Variants in CCNA1 observed in about 807,000 individuals in gnomAD.
CCNA1 encodes the protein cyclin A1, also known as cyclin-A1.
A neutral mutation model predicts 54.1 loss-of-function variants in CCNA1; 23 were observed. That is an observed-to-expected ratio of 0.42 (90% CI 0.31 to 0.60). The LOEUF is 0.60. CCNA1 is among the 20% of genes least tolerant of loss of function. CCNA1 has a pLI of 0.14. For missense variants in CCNA1, 450 were observed against 556.7 expected, an observed-to-expected ratio of 0.81 and a Z score of 1.93; for synonymous variants, 208 against 213.9, an observed-to-expected ratio of 0.97 and a Z score of 0.24.
At chr13:36,439,823 G>A (rs1435406064) in intron 5 of CCNA1, among the ~76,000 whole-genome samples, 156 bp from the exon 6 acceptor site, 1 of 152,126 alleles carries the variant, frequency 6.6e-6, no homozygotes, top group Non-Finnish European at 1.5e-5. Flanking sequence ...CAAGCTCCTA[G>A]TACTTTCATA....
At position 36,435,525 on chromosome 13, in the gene CCNA1, A is replaced by G. The variant is rs7323688; in HGVS notation, c.298-2104A>G. 4.3e-3 allele frequency among the ~76,000 whole-genome samples: 651 copies of G among 152,262 alleles called. 7 individuals carry two copies. The highest frequency in any genetic ancestry group is 0.015 in the African/African-American group (616 of 41,550). ...TCCTTGAAATAATTTCTTCTCATTC[A>G]GCTTGTAGAACACCACTCTCTCCAA... On this transcript the variant is annotated intron_variant, in intron 2 of 8. Coordinates refer to ENST00000255465, the MANE Select transcript of CCNA1 (RefSeq NM_003914.4).
At chr13:36,441,692 G>A (rs1420166464) in intron 7 of CCNA1, among the ~76,000 whole-genome samples, 1 of 152,168 alleles carries the variant, frequency 6.6e-6, no homozygotes, top group East Asian at 1.9e-4. Flanking sequence ...CCCTAGGTTT[G>A]GTTCTGAAGG....
rs1420328417 is a variant in CCNA1 at position 36,433,090 on chromosome 13, C to T, written c.166C>T (p.Leu56=). 2 of 1,614,082 alleles carry T rather than the reference C, an allele frequency of 1.2e-6. No homozygotes were observed. The highest frequency in any genetic ancestry group is 1.1e-5 in the South Asian group (1 of 91,090). ...CAGCAACCCCAAGAGTGGAGTTGTG[C>T]TGGCTACAGTGGCCCGAGGTCCCGA... Residue 56 remains leucine, a synonymous_variant, in exon 2 of 9, where the codon CTG becomes TTG. Coordinates refer to ENST00000255465, the MANE Select transcript of CCNA1 (RefSeq NM_003914.4).
chr13:36,433,823 C>T (rs1380241795), intron 2 of CCNA1, among the ~76,000 whole-genome samples: 1 of 152,110 alleles, frequency 6.6e-6, no homozygotes, highest in Admixed American at 6.5e-5. Context: ...TTACAGGCGT[C>T]AGCCACGGTG....
chr13:36,439,831 A>G lies in CCNA1; in HGVS notation c.894-148A>G. 3 of 608,102 alleles carry G rather than the reference A, an allele frequency of 4.9e-6. No individual in the cohort carries two copies. The South Asian group carries it at 6.0e-5, about 12-fold the overall frequency. 37.7% of individuals were successfully genotyped at this position (608,102 alleles called of 1,614,324 possible). On this transcript the variant is annotated intron_variant, in intron 5 of 8. Coordinates refer to ENST00000255465, the MANE Select transcript of CCNA1 (RefSeq NM_003914.4). ...CCAGAAACAAGCTCCTAGTACTTTC[A>G]TAGCCCTGAGTCATTTAGTGGTATT...
Position 36,441,166 on chromosome 13 carries a change from C to T in CCNA1, c.1147C>T (p.Leu383Phe), listed in dbSNP as rs1364115441. 1.2e-6 allele frequency: 2 copies of T among 1,613,166 alleles called. No homozygotes were observed. Among genetic ancestry groups the T allele is most frequent in the Non-Finnish European group, 1.7e-6 (2 of 1,179,280 alleles). Residue 383 changes from leucine (L) to phenylalanine (F), a missense_variant, in exon 7 of 9, where the codon CTT (leucine) becomes TTT (phenylalanine). Transcript: ENST00000255465. ...TGAAGCAGATCCATTCTTGAAATAT[C>T]TTCCTTCACTGATAGCTGCAGCAGC...
In CCNA1 at chr13:36,442,259, C is replaced by G. The variant is rs1747575684; in HGVS notation, c.1301C>G (p.Pro434Arg). 6.2e-7 allele frequency: 1 copy of G among 1,613,668 alleles called. No homozygotes were observed. Among genetic ancestry groups the G allele is most frequent in the Non-Finnish European group, 8.5e-7 (1 of 1,179,822 alleles). The change falls in exon 8 of 9, where the codon CCC (proline) becomes CGC (arginine). Residue 434 changes from proline (P) to arginine (R), a missense_variant. Pro to Arg is a moderately radical substitution (Grantham distance 103). This residue lies in a region of CCNA1 where 53 missense variants were observed against 50.1 expected (regional missense o/e 1.06). Transcript: ENST00000255465. ...CTTCATAAAGCGTACCTTGATATAC[C>G]CCATCGACCTCAGCAAGCAATTAGG...
At position 36,442,165 on chromosome 13, in the gene CCNA1, G is replaced by C. The variant is rs781342675; in HGVS notation, c.1213-6G>C. The C allele has an allele frequency of 1.6e-5, 26 of 1,605,508 alleles. No individual in the cohort carries two copies. The East Asian group carries it at 5.4e-4, about 33-fold the overall frequency. ...TGAAGCAATTTTTTTCTTTTGTCTTGATTAGCCAGAAACCCTTGCTGCATT... is the reference window on the plus strand; with the variant it reads ...TGAAGCAATTTTTTTCTTTTGTCTTCATTAGCCAGAAACCCTTGCTGCATT... On this transcript the variant is annotated splice_region_variant and splice_polypyrimidine_tract_variant and intron_variant, in intron 7 of 8. Transcript: ENST00000255465.
rs187139171 is a variant in CCNA1, at chr13:36,442,373, A to G, written c.1346+69A>G. Reference sequence around the variant, plus strand: ...TTAATGGGTTATAGTAATGGTTACTAGATTAAAAATAGATTAAATTGTGTA... The same window carrying G: ...TTAATGGGTTATAGTAATGGTTACTGGATTAAAAATAGATTAAATTGTGTA... On this transcript the variant is annotated intron_variant, in intron 8 of 8. Transcript: ENST00000255465. 8,486 of 1,511,892 alleles carry G rather than the reference A, an allele frequency of 5.6e-3. 38 individuals are homozygous for G. Among genetic ancestry groups the G allele is most frequent in the Non-Finnish European group, 6.4e-3 (7,050 of 1,099,276 alleles). The allele number at this position is 1,511,892 out of a possible 1,614,324, so 93.7% of individuals were successfully genotyped here.
intron 8 of CCNA1, 30 bp from the exon 9 acceptor site, chr13:36,442,584 G>T (rs766124234): frequency 3.7e-6 from 6 of 1,612,368 alleles, no homozygotes; most frequent in Non-Finnish European, 5.1e-6. Context: ...TCCTTGGCTT[G>T]TGCTGACCTT....
At chr13:36,438,289 C>G (rs1331220659) in intron 4 of CCNA1, 98 bp downstream of exon 4, 2 of 1,010,870 alleles carry the variant, frequency 2.0e-6, no homozygotes, top group South Asian at 3.2e-5. Flanking sequence ...GTGAATGGCA[C>G]TCTTATGCCA....
At chr13:36,435,012 T>C (rs1038177169) in intron 2 of CCNA1, among the ~76,000 whole-genome samples, 1 of 152,178 alleles carries the variant, frequency 6.6e-6, no homozygotes, top group African/African-American at 2.4e-5. Context: ...CTCTGAGTAT[T>C]ACAACCCTGG....
intron 2 of CCNA1, among the ~76,000 whole-genome samples, chr13:36,436,816 G>A (rs2055811270): frequency 6.6e-6 from 1 of 152,156 alleles, no homozygotes; most frequent in Non-Finnish European, 1.5e-5. Context: ...TACACACCAA[G>A]ATACATTATA....
chr13:36,441,953 C>G (rs1266758882), intron 7 of CCNA1, among the ~76,000 whole-genome samples: 1 of 151,950 alleles, frequency 6.6e-6, no homozygotes, highest in Non-Finnish European at 1.5e-5. Flanking sequence ...TGATCCAGCC[C>G]CAAATTGAGC....
intron 2 of CCNA1, among the ~76,000 whole-genome samples, chr13:36,437,089 G>T (rs901840030): frequency 1.3e-5 from 2 of 152,204 alleles, no homozygotes; most frequent in Non-Finnish European, 2.9e-5. Context: ...CATACGTAAA[G>T]GTTCTGTGGC....
At chr13:36,431,579 C>T (rs1050625995), upstream of CCNA1, 1 of 152,212 alleles carries the variant, frequency 6.6e-6, no homozygotes, top group African/African-American at 2.4e-5. Flanking sequence ...CGGGGGAAGA[C>T]CTCTCGTGGG....
At chr13:36,442,050 T>A in intron 7 of CCNA1, 121 bp from the exon 8 acceptor site, 1 of 661,780 alleles carries the variant, frequency 1.5e-6, no homozygotes, top group Non-Finnish European at 2.5e-6. Flanking sequence ...GGGGTTCTGG[T>A]CTCTTTCGAG....
rs2055819618 is a variant in CCNA1, at chr13:36,437,515, T to G, written c.298-114T>G. On this transcript the variant is annotated intron_variant, in intron 2 of 8. Coordinates refer to ENST00000255465, the MANE Select transcript of CCNA1 (RefSeq NM_003914.4). Reference sequence around the variant, plus strand: ...TGGAATTAAATTGCCGACATAGATTTTTCAGTTTAGAATGTATCTTACCTT... The same window carrying G: ...TGGAATTAAATTGCCGACATAGATTGTTCAGTTTAGAATGTATCTTACCTT... 9 of 1,008,468 alleles carry G rather than the reference T, an allele frequency of 8.9e-6. No homozygotes were observed. The South Asian group carries it at 1.5e-4, about 17-fold the overall frequency. The allele number at this position is 1,008,468 out of a possible 1,614,324, so 62.5% of individuals were successfully genotyped here. A position where few individuals can be genotyped will look rare whatever the true frequency, so the allele number is the denominator to read the frequency against.
At chr13:36,435,147 G>A (rs540685290) in intron 2 of CCNA1, among the ~76,000 whole-genome samples, 1 of 152,322 alleles carries the variant, frequency 6.6e-6, no homozygotes, top group South Asian at 2.1e-4. Context: ...TCTAGGAGCT[G>A]TTTGCATTAT....
Sources: gnomAD v4.1 joint callset for allele counts (sites outside exome capture counted in the v4.1 genomes callset) on GRCh38, gnomAD v4.1.1 for gene constraint, gnomAD v4.1.1 regional missense constraint, MANE v1.5 for transcripts, NCBI Gene and HGNC (gene_info 2026-07-23, HGNC 2026-07-21) for gene names.